RHOBTB3: variants seen among roughly 807,000 people sequenced by gnomAD.
The protein encoded by RHOBTB3 is Rho related BTB domain containing 3, also known as rho-related BTB domain-containing protein 3.
Under a neutral mutation model 67.2 loss-of-function variants are expected in RHOBTB3, and 47 were observed. That is an observed-to-expected ratio of 0.70 (90% CI 0.55 to 0.89). RHOBTB3 has a LOEUF of 0.89. Among genes scored for constraint, RHOBTB3 ranks in the 40% least tolerant of loss-of-function variants. RHOBTB3 has a pLI of 0.00. For synonymous variants in RHOBTB3, 273 were observed against 274.2 expected (o/e 1.00, Z 0.04); for missense variants, 631 against 750.0 (o/e 0.84, Z 1.85).
At chr5:95,782,843 T>C (rs891590443) in intron 9 of RHOBTB3, 6 of 141,766 alleles carry the variant, frequency 4.2e-5, no homozygotes, top group South Asian at 2.2e-4. Flanking sequence ...AAGGTTAAAA[T>C]GGTAAATTTC....
intron 5 of RHOBTB3, among the ~76,000 whole-genome samples, chr5:95,752,948 G>A (rs946700394): frequency 2.0e-5 from 3 of 151,992 alleles, no homozygotes; most frequent in African/African-American, 7.3e-5. Context: ...TGGCTAACAC[G>A]GTGAAACCCC....
intron 3 of RHOBTB3, among the ~76,000 whole-genome samples, chr5:95,737,814 C>G (rs1183907195): frequency 6.6e-6 from 1 of 152,138 alleles, no homozygotes; most frequent in Non-Finnish European, 1.5e-5. Flanking sequence ...GCCACGCAAC[C>G]CACATACATC....
At chr5:95,766,853 CTCTT>C (rs1455100704) in intron 7 of RHOBTB3, among the ~76,000 whole-genome samples, 1 of 152,160 alleles carries the variant, frequency 6.6e-6, no homozygotes, top group Non-Finnish European at 1.5e-5. Context: ...ACCCAGGAAA[CTCTT>C]TATAGGTTCT....
chr5:95,744,951 GT>G (rs1214137738), intron 3 of RHOBTB3, among the ~76,000 whole-genome samples: 1 of 151,710 alleles, frequency 6.6e-6, no homozygotes, highest in Non-Finnish European at 1.5e-5. Flanking sequence ...CACACCAGTA[GT>G]TCCAGCCACT....
At chr5:95,789,888 C>T (rs1366305411) in intron 11 of RHOBTB3, among the ~76,000 whole-genome samples, 2 of 152,164 alleles carry the variant, frequency 1.3e-5, no homozygotes, top group Admixed American at 6.5e-5. Flanking sequence ...GTGATTCCAC[C>T]TCGGTGTAAT....
chr5:95,725,696 C>T (rs1353967872), intron 1 of RHOBTB3, among the ~76,000 whole-genome samples: 1 of 152,166 alleles, frequency 6.6e-6, no homozygotes, highest in East Asian at 1.9e-4. Context: ...TAACCTCTTA[C>T]AGTGCTGTGT....
chr5:95,754,584 T>A (rs965653162), intron 5 of RHOBTB3, among the ~76,000 whole-genome samples: 1 of 152,194 alleles, frequency 6.6e-6, no homozygotes, highest in Non-Finnish European at 1.5e-5. Context: ...TTTCCTCAGC[T>A]CCTCTGGATA....
chr5:95,735,769 C>A (rs1164151691), intron 2 of RHOBTB3, among the ~76,000 whole-genome samples: 2 of 152,214 alleles, frequency 1.3e-5, no homozygotes, highest in East Asian at 1.9e-4. Context: ...ATTTTCCTTA[C>A]ATCACTATTC....
chr5:95,789,350 A>C (rs1746309378), intron 11 of RHOBTB3: 1 of 152,292 alleles, frequency 6.6e-6, no homozygotes, highest in Non-Finnish European at 1.5e-5. Flanking sequence ...TTGGAATAAC[A>C]GTTTTTCATA....
rs181193063 is a variant in RHOBTB3 at position 95,722,552 on chromosome 5, G to A, written n.133+4787G>A. Reference sequence around the variant, plus strand: ...GTCACCTGGGCTGCAGTTCAGTGGCGTGACCTCGGCTCACGCAACCTCCGC... The same window carrying A: ...GTCACCTGGGCTGCAGTTCAGTGGCATGACCTCGGCTCACGCAACCTCCGC... On this transcript the variant is annotated intron_variant and non_coding_transcript_variant, in intron 1 of 5. Coordinates refer to the RHOBTB3 transcript ENST00000504949. Among the ~76,000 whole-genome samples, 396 of 152,114 alleles carry A rather than the reference G, an allele frequency of 2.6e-3. 2 individuals carry two copies. The highest frequency in any genetic ancestry group is 9.2e-3 in the African/African-American group (380 of 41,470).
At chr5:95,767,898 C>T (rs550303798) in intron 7 of RHOBTB3, 148 bp from the exon 8 acceptor site, 7 of 799,142 alleles carry the variant, frequency 8.8e-6, no homozygotes, top group African/African-American at 8.5e-5. Context: ...AAGGTAAGTT[C>T]CTTTGAAACC....
intron 11 of RHOBTB3, 147 bp downstream of exon 11, chr5:95,789,005 G>C (rs1430752755): frequency 1.8e-6 from 1 of 554,952 alleles, no homozygotes; most frequent in Non-Finnish European, 3.1e-6. Context: ...TGGTAATTGA[G>C]GAAACAATTT....
At chr5:95,748,186 C>T (rs1385617030) in intron 3 of RHOBTB3, 147 bp from the exon 4 acceptor site, 1 of 423,986 alleles carries the variant, frequency 2.4e-6, no homozygotes, top group African/African-American at 2.0e-5. Flanking sequence ...ACTTTGTATT[C>T]AGAGTTTAGT....
chr5:95,719,387 CATGGGTAAACCTAG>C (rs1431814291), intron 1 of RHOBTB3, among the ~76,000 whole-genome samples: 4 of 152,146 alleles, frequency 2.6e-5, no homozygotes, highest in Admixed American at 6.5e-5. Flanking sequence ...GGAAGCAAAG[CATGGGTAAACCTAG>C]ATGGGTAAAC....
At chr5:95,741,503 TTTTTTTTTTCTTTCTTTCTG>T (rs1166822663) in intron 3 of RHOBTB3, among the ~76,000 whole-genome samples, 164 of 50,086 alleles carry the variant, frequency 3.3e-3, no homozygotes, top group Middle Eastern at 0.031. Flanking sequence ...CTCAATTCTC[TTTTTTTTTTCTTTCTTTCTG>T]TTTTTTTTTT....
chr5:95,777,442 G>GA (rs1386283404), intron 8 of RHOBTB3, among the ~76,000 whole-genome samples: 2 of 152,032 alleles, frequency 1.3e-5, no homozygotes, highest in African/African-American at 2.4e-5. Flanking sequence ...CTTTTCCTTA[G>GA]AAAAAAATTC....
intron 8 of RHOBTB3, chr5:95,770,479 C>T (rs1003083581): frequency 1.3e-4 from 41 of 308,502 alleles, no homozygotes; most frequent in Admixed American, 6.9e-5. Context: ...TTGGTAGTTA[C>T]AACAATTGTG....
At chr5:95,767,898 C>G (rs550303798) in intron 7 of RHOBTB3, 148 bp from the exon 8 acceptor site, 2 of 799,142 alleles carry the variant, frequency 2.5e-6, no homozygotes, top group East Asian at 5.3e-5. Flanking sequence ...AAGGTAAGTT[C>G]CTTTGAAACC....
intron 3 of RHOBTB3, among the ~76,000 whole-genome samples, chr5:95,744,040 C>T (rs1471975932): frequency 1.3e-5 from 2 of 150,436 alleles, no homozygotes; most frequent in African/African-American, 4.9e-5. Context: ...CTTCCTTCCT[C>T]CCTCCCTCTC....
Sources: gnomAD v4.1 joint callset for allele counts (sites outside exome capture counted in the v4.1 genomes callset) on GRCh38, gnomAD v4.1.1 for gene constraint, MANE v1.5 for transcripts, NCBI Gene and HGNC (gene_info 2026-07-23, HGNC 2026-07-21) for gene names.